Variants in RPS6KA5 observed in about 807,000 individuals in gnomAD.
RPS6KA5 encodes ribosomal protein S6 kinase A5.
In RPS6KA5, 27 loss-of-function variants were observed where a neutral mutation model predicts 85.5. The observed-to-expected ratio is 0.32, with a 90% CI of 0.23 to 0.44. RPS6KA5 has a LOEUF of 0.44. Ranked by LOEUF, RPS6KA5 falls within the 20% of genes least tolerant of loss-of-function variation. The pLI, the probability that RPS6KA5 is intolerant of heterozygous loss-of-function variation, is 1.00. For missense variants in RPS6KA5, 811 were observed against 980.9 expected, an observed-to-expected ratio of 0.83 and a Z score of 2.31; for synonymous variants, 334 against 348.2, an observed-to-expected ratio of 0.96 and a Z score of 0.46.
At chr14:90,991,564 T>C (rs1036325617) in intron 2 of RPS6KA5, among the ~76,000 whole-genome samples, 6 of 151,980 alleles carry the variant, frequency 3.9e-5, no homozygotes, top group Admixed American at 3.9e-4. Flanking sequence ...TATCCGGGCA[T>C]GGTGGTGCAC....
intron 2 of RPS6KA5, among the ~76,000 whole-genome samples, chr14:90,980,750 A>G (rs749539136): frequency 6.6e-5 from 10 of 152,240 alleles, no homozygotes; most frequent in Admixed American, 2.0e-4. Flanking sequence ...ATAGGGAACC[A>G]GAGATTAAAT....
At position 90,859,400 on chromosome 14, in the gene RPS6KA5, T is replaced by C. The variant is rs541995822; in HGVS notation, c.*12674A>G. 1.3e-5 allele frequency: 2 copies of C among 152,320 alleles called. No homozygotes were observed. The highest frequency in any genetic ancestry group is 1.3e-4 in the Admixed American group (2 of 15,292). 9.4% of individuals were successfully genotyped at this position (152,320 alleles called of 1,614,324 possible). ...GACAATGGAAACAAACAACTAGTAG[T>C]AGTAATCAGACACTGGATTTCTCAG... is the stretch of plus-strand genomic sequence containing the variant. On this transcript the variant is annotated 3_prime_UTR_variant, in exon 17 of 17. Coordinates refer to ENST00000614987, the MANE Select transcript of RPS6KA5 (RefSeq NM_004755.4).
chr14:90,903,903 C>T (rs147985233), intron 8 of RPS6KA5, among the ~76,000 whole-genome samples: 3,387 of 151,980 alleles, frequency 0.022, 69 homozygotes, highest in Non-Finnish European at 0.029. Context: ...TGAAAATGTG[C>T]ACTTCTTGGT....
chr14:90,859,019 T>G lies in RPS6KA5; in HGVS notation c.*13055A>C, dbSNP rs2032413665. On this transcript the variant is annotated 3_prime_UTR_variant, in exon 17 of 17. Coordinates refer to ENST00000614987, the MANE Select transcript of RPS6KA5 (RefSeq NM_004755.4). ...AAGAAATCCAGCAAAAAGCAGCAGA[T>G]GAGAGGCTAACGAGCTGAGCAGCTC... 6.6e-6 allele frequency: 1 copy of G among 152,148 alleles called. No individual in the cohort carries two copies. Among genetic ancestry groups the G allele is most frequent in the Non-Finnish European group, 1.5e-5 (1 of 68,084 alleles). 9.4% of individuals were successfully genotyped at this position (152,148 alleles called of 1,614,324 possible).
At chr14:91,020,614 TTGTGTGTGTGTG>T (rs71117396) in intron 1 of RPS6KA5, among the ~76,000 whole-genome samples, 29 of 91,326 alleles carry the variant, frequency 3.2e-4, no homozygotes, top group African/African-American at 5.9e-4. Context: ...ATATATCCTA[TTGTGTGTGTGTG>T]TGTGTGTGTG....
chr14:90,952,899 C>T (rs2038282007), intron 3 of RPS6KA5, among the ~76,000 whole-genome samples: 1 of 152,210 alleles, frequency 6.6e-6, no homozygotes, highest in African/African-American at 2.4e-5. Context: ...GATCAGGTGG[C>T]ACAAAGTCTT....
At chr14:91,057,527 CCG>C (rs2043373207) in intron 1 of RPS6KA5, among the ~76,000 whole-genome samples, 1 of 144,186 alleles carries the variant, frequency 6.9e-6, no homozygotes, top group Non-Finnish European at 1.5e-5. Flanking sequence ...TATTATAGTA[CCG>C]TGTGTTAACT....
rs544653810 is a variant in RPS6KA5, at chr14:91,013,480, A to G, written c.104-12321T>C. Among the ~76,000 whole-genome samples the G allele has an allele frequency of 2.6e-5, 4 of 152,266 alleles. No individual in the cohort carries two copies. In the South Asian group the frequency reaches 6.2e-4, roughly 24 times the overall value. On this transcript the variant is annotated intron_variant, in intron 1 of 16. Coordinates refer to ENST00000614987, the MANE Select transcript of RPS6KA5 (RefSeq NM_004755.4). ...CAGCAGGGTAAAAAAAAAAGCTGTG[A>G]GTAGGAAGGAAAAGCATACAGAAAA...
intron 7 of RPS6KA5, among the ~76,000 whole-genome samples, chr14:90,913,067 C>A (rs372210011): frequency 1.3e-5 from 2 of 151,818 alleles, no homozygotes; most frequent in South Asian, 2.1e-4. Flanking sequence ...CTCGCCACCA[C>A]GCCCAGCTAA....
rs1284599544 is a variant in RPS6KA5 at position 91,060,314 on chromosome 14, G to A, written c.103+18C>T. 2 of 1,257,952 alleles carry A rather than the reference G, an allele frequency of 1.6e-6. No individual in the cohort carries two copies. Among genetic ancestry groups the A allele is most frequent in the African/African-American group, 1.6e-5 (1 of 64,436 alleles). The allele number at this position is 1,257,952 out of a possible 1,614,324, so 77.9% of individuals were successfully genotyped here. A position where few individuals can be genotyped will look rare whatever the true frequency, so the allele number is the denominator to read the frequency against. On this transcript the variant is annotated intron_variant, in intron 1 of 16. Transcript: ENST00000614987. ...GCCCCCGCGCCGGGCCCGGCCGGCA[G>A]AGGGCGGGGTCGCTCACCAGTCCGC...
intron 12 of RPS6KA5, among the ~76,000 whole-genome samples, chr14:90,896,011 C>G (rs2034817220): frequency 1.3e-5 from 2 of 152,230 alleles, no homozygotes. Context: ...ACTTCACAAA[C>G]AAAATGTTTC....
chr14:90,891,460 A>AAT (rs2034552485), intron 13 of RPS6KA5, among the ~76,000 whole-genome samples: 1 of 152,092 alleles, frequency 6.6e-6, no homozygotes, highest in Non-Finnish European at 1.5e-5. Flanking sequence ...CTTAATACTT[A>AAT]CTGATGCACA....
Position 90,867,493 on chromosome 14 carries a change from ATCTGAAGTATTCAATACTT to A in RPS6KA5, c.*4562_*4580del, listed in dbSNP as rs1235018746. ...GCTATACTAAATACTAACTTGACTT[ATCTGAAGTATTCAATACTT>A]TCTGATAACCCAAGCAGCATTATAT... On this transcript the variant is annotated 3_prime_UTR_variant, in exon 17 of 17. Coordinates refer to ENST00000614987, the MANE Select transcript of RPS6KA5 (RefSeq NM_004755.4). The A allele has an allele frequency of 6.6e-6, 1 of 152,188 alleles. No homozygotes were observed. The highest frequency in any genetic ancestry group is 1.9e-4 in the East Asian group (1 of 5,198). 9.4% of individuals were successfully genotyped at this position (152,188 alleles called of 1,614,324 possible). A position where few individuals can be genotyped will look rare whatever the true frequency, so the allele number is the denominator to read the frequency against.
rs535029620 is a variant in RPS6KA5 at position 90,900,773 on chromosome 14, T to A, written c.1120-37A>T. 8 of 1,568,914 alleles carry A rather than the reference T, an allele frequency of 5.1e-6. No individual in the cohort carries two copies. In the South Asian group the frequency reaches 9.5e-5, roughly 19 times the overall value. On this transcript the variant is annotated intron_variant, in intron 9 of 16. Coordinates refer to ENST00000614987, the MANE Select transcript of RPS6KA5 (RefSeq NM_004755.4). ...ACAAAGAAAGATAAAGAAAAACAAC[T>A]TGCAGTTTTCCAGTTTAACACAGAT...
rs1396656237 is a variant in RPS6KA5, at chr14:90,861,887, C to CA, written c.*10186dup. 2 of 113,120 alleles carry CA rather than the reference C, an allele frequency of 1.8e-5. No homozygotes were observed. Among genetic ancestry groups the CA allele is most frequent in the Non-Finnish European group, 1.7e-5 (1 of 58,858 alleles). 7.0% of individuals were successfully genotyped at this position (113,120 alleles called of 1,614,324 possible). ...CACTGCAGCCTGGCGACAAAGACTCCATCTCAAAAAAAAAAAAAAAAAAGG... is the reference window on the plus strand; with the variant it reads ...CACTGCAGCCTGGCGACAAAGACTCCAATCTCAAAAAAAAAAAAAAAAAAGG... On this transcript the variant is annotated 3_prime_UTR_variant, in exon 17 of 17. Coordinates refer to ENST00000614987, the MANE Select transcript of RPS6KA5 (RefSeq NM_004755.4).
At chr14:90,931,739 G>GA (rs934153903) in intron 5 of RPS6KA5, among the ~76,000 whole-genome samples, 1 of 152,026 alleles carries the variant, frequency 6.6e-6, no homozygotes, top group African/African-American at 2.4e-5. Context: ...AACATCAGGG[G>GA]AAAAAATGCA....
At chr14:90,872,907 C>T (rs1303717951) in intron 16 of RPS6KA5, among the ~76,000 whole-genome samples, 8 of 152,198 alleles carry the variant, frequency 5.3e-5, no homozygotes, top group Non-Finnish European at 1.2e-4. Flanking sequence ...TAGTTGTCAC[C>T]TTGCAACCTA....
intron 1 of RPS6KA5, among the ~76,000 whole-genome samples, chr14:91,048,819 G>A (rs1333761767): frequency 6.6e-6 from 1 of 152,186 alleles, no homozygotes; most frequent in African/African-American, 2.4e-5. Flanking sequence ...TCTCAACAGT[G>A]TATTTAATTG....
At chr14:90,938,073 A>G (rs939778945) in intron 5 of RPS6KA5, among the ~76,000 whole-genome samples, 3 of 152,326 alleles carry the variant, frequency 2.0e-5, no homozygotes, top group Admixed American at 6.5e-5. Flanking sequence ...CAAGTTAGTT[A>G]CTTCTTAGAC....
Sources: gnomAD v4.1 joint callset for allele counts (sites outside exome capture counted in the v4.1 genomes callset) on GRCh38, gnomAD v4.1.1 for gene constraint, MANE v1.5 for transcripts, NCBI Gene and HGNC (gene_info 2026-07-23, HGNC 2026-07-21) for gene names.